Variants in RMST observed in about 807,000 individuals in gnomAD.
RMST encodes long intergenic non-protein coding RNA 54.
At chr12:97,471,834 A>C (rs553692652) in intron 5 of RMST, among the ~76,000 whole-genome samples, 3 of 152,302 alleles carry the variant, frequency 2.0e-5, no homozygotes, top group Non-Finnish European at 2.9e-5. Context: ...TGCAGTCGCC[A>C]TCAGTTGAGT....
At chr12:97,530,650 T>G (rs1565932903) in intron 10 of RMST, 1 of 152,098 alleles carries the variant, frequency 6.6e-6, no homozygotes, top group Non-Finnish European at 1.5e-5. Context: ...TGGCTTTCCT[T>G]GCAGTGGGTG....
chr12:97,484,279 T>C (rs1198902677), intron 5 of RMST, among the ~76,000 whole-genome samples: 1 of 152,152 alleles, frequency 6.6e-6, no homozygotes, highest in African/African-American at 2.4e-5. Context: ...CATATGCAGA[T>C]TTATTTATTT....
chr12:97,528,984 G>C (rs1371347335), intron 10 of RMST, among the ~76,000 whole-genome samples: 2 of 151,756 alleles, frequency 1.3e-5, no homozygotes, highest in Non-Finnish European at 2.9e-5. Flanking sequence ...TTGTTCTTTT[G>C]CTTTTATGGA....
chr12:97,532,125 A>G (rs996445240), intron 11 of RMST, among the ~76,000 whole-genome samples: 1 of 152,012 alleles, frequency 6.6e-6, no homozygotes, highest in Non-Finnish European at 1.5e-5. Flanking sequence ...CTAAAATTTA[A>G]TTTCATCAGT....
chr12:97,553,894 C>T (rs978363369), intron 11 of RMST, among the ~76,000 whole-genome samples: 3 of 150,766 alleles, frequency 2.0e-5, no homozygotes, highest in Non-Finnish European at 4.4e-5. Flanking sequence ...GATATATTTG[C>T]ATAGTATACA....
intron 5 of RMST, among the ~76,000 whole-genome samples, chr12:97,477,475 AG>A (rs1455023773): frequency 1.3e-5 from 2 of 152,350 alleles, no homozygotes; most frequent in Non-Finnish European, 1.5e-5. Flanking sequence ...AAAACCAAAA[AG>A]GGGGATAAAT....
chr12:97,552,082 G>C (rs1883349481), intron 11 of RMST: 1 of 152,126 alleles, frequency 6.6e-6, no homozygotes, highest in East Asian at 1.9e-4. Context: ...CAGCCTCTGA[G>C]GTGTGTTACC....
chr12:97,563,754 G>C (rs1884315746), intron 13 of RMST: 1 of 470,544 alleles, frequency 2.1e-6, no homozygotes, highest in Non-Finnish European at 4.4e-6. Context: ...TGAAATGATT[G>C]GTTAGCTTTG....
intron 11 of RMST, chr12:97,532,657 T>G (rs949504966): frequency 3.3e-5 from 5 of 149,796 alleles, no homozygotes; most frequent in Admixed American, 2.0e-4. Flanking sequence ...TTTTTTTTTT[T>G]TTTTTTTTTT....
At chr12:97,474,899 A>T (rs1347829561) in intron 5 of RMST, among the ~76,000 whole-genome samples, 1 of 152,172 alleles carries the variant, frequency 6.6e-6, no homozygotes, top group East Asian at 1.9e-4. Flanking sequence ...TTAGGAGACG[A>T]TACACCTCTT....
intron 10 of RMST, among the ~76,000 whole-genome samples, chr12:97,497,406 T>C (rs1015498130): frequency 1.3e-5 from 2 of 152,140 alleles, no homozygotes; most frequent in African/African-American, 2.4e-5. Flanking sequence ...CCTCATTTAT[T>C]TTCTAAAGAG....
intron 5 of RMST, among the ~76,000 whole-genome samples, chr12:97,478,410 A>G (rs180849404): frequency 3.3e-5 from 5 of 152,346 alleles, no homozygotes; most frequent in African/African-American, 7.2e-5. Flanking sequence ...AAGTGGAAGC[A>G]TCTCATTTCA....
chr12:97,469,164 GTGTGTGTGTGTGTGTGTA>G (rs1202040215), intron 5 of RMST, among the ~76,000 whole-genome samples: 103 of 147,418 alleles, frequency 7.0e-4, no homozygotes, highest in Non-Finnish European at 1.3e-3. Context: ...GTGTGTGTGT[GTGTGTGTGTGTGTGTGTA>G]TGTGTGTATA....
intron 11 of RMST, among the ~76,000 whole-genome samples, chr12:97,542,599 G>A (rs1327220152): frequency 6.6e-6 from 1 of 151,866 alleles, no homozygotes; most frequent in African/African-American, 2.4e-5. Flanking sequence ...AATAGGACCA[G>A]AGCCCAAACC....
At chr12:97,474,704 A>G (rs1874341144) in intron 5 of RMST, among the ~76,000 whole-genome samples, 1 of 151,420 alleles carries the variant, frequency 6.6e-6, no homozygotes, top group Admixed American at 6.6e-5. Flanking sequence ...TAAATTCAGA[A>G]ATCAGAAGAG....
intron 10 of RMST, among the ~76,000 whole-genome samples, chr12:97,504,380 G>T: frequency 6.8e-6 from 1 of 147,022 alleles, no homozygotes. Context: ...CTCCAACCTG[G>T]GCGACAGAGT....
intron 5 of RMST, among the ~76,000 whole-genome samples, chr12:97,479,207 A>G (rs146159254): frequency 3.3e-4 from 44 of 131,860 alleles, no homozygotes; most frequent in African/African-American, 1.3e-3. Context: ...TGGCACAGTC[A>G]TAGCCCGCTG....
In RMST at chr12:97,477,942, G is replaced by A. The variant is rs531518067; in HGVS notation, n.644+12215G>A. On this transcript the variant is annotated intron_variant and non_coding_transcript_variant, in intron 5 of 13. Transcript: ENST00000640149. ...TGCAATCTGTGTGGTAAAGAAATCC[G>A]TAGACTTGGTATGACTGAATGTCAG... 3.5e-4 allele frequency among the ~76,000 whole-genome samples: 54 copies of A among 152,322 alleles called. 1 individual carries two copies. The highest frequency in any genetic ancestry group is 1.1e-3 in the African/African-American group (47 of 41,578).
chr12:97,500,777 C>G (rs1185938568), intron 10 of RMST, among the ~76,000 whole-genome samples: 1 of 152,202 alleles, frequency 6.6e-6, no homozygotes, highest in Non-Finnish European at 1.5e-5. Context: ...CAGCCCGACC[C>G]TGAACACTCC....
Sources: gnomAD v4.1 joint callset for allele counts (sites outside exome capture counted in the v4.1 genomes callset) on GRCh38, gnomAD v4.1.1 for gene constraint, MANE v1.5 for transcripts, NCBI Gene and HGNC (gene_info 2026-07-23, HGNC 2026-07-21) for gene names.